NAALADL2: variants seen among roughly 807,000 people sequenced by gnomAD.
NAALADL2 encodes N-acetylated alpha-linked acidic dipeptidase like 2.
In NAALADL2, 76 loss-of-function variants were observed where a neutral mutation model predicts 87.2. The observed-to-expected ratio is 0.87, with a 90% confidence interval of 0.72 to 1.05. NAALADL2 has a LOEUF of 1.05. Among genes scored for constraint, NAALADL2 ranks in the 50% least tolerant of loss-of-function variants. NAALADL2 has a pLI of 0.00. For missense variants in NAALADL2, 1,089 were observed against 945.8 expected (o/e 1.15, Z -1.99); for synonymous variants, 354 against 331.0 (o/e 1.07, Z -0.75).
rs1156977272 is a variant in NAALADL2 at position 175,807,789 on chromosome 3, A to G, written c.*4586A>G. On this transcript the variant is annotated 3_prime_UTR_variant, in exon 14 of 14. Transcript: ENST00000454872. Reference sequence around the variant, plus strand: ...TTGTATGAGTTTAAATTGCCAACTTAAAAAAGCCTCATTAGAATTTGCTAT... The same window carrying G: ...TTGTATGAGTTTAAATTGCCAACTTGAAAAAGCCTCATTAGAATTTGCTAT... The G allele has an allele frequency of 6.6e-6, 1 of 151,958 alleles. No individual in the cohort carries two copies. Among genetic ancestry groups the G allele is most frequent in the East Asian group, 1.9e-4 (1 of 5,194 alleles). 9.4% of individuals were successfully genotyped at this position (151,958 alleles called of 1,614,324 possible). A position where few individuals can be genotyped will look rare whatever the true frequency, so the allele number is the denominator to read the frequency against.
chr3:174,740,057 G>T (rs1214936567), intron 3 of NAALADL2, among the ~76,000 whole-genome samples: 2 of 151,982 alleles, frequency 1.3e-5, no homozygotes, highest in Non-Finnish European at 2.9e-5. Flanking sequence ...TTCAAAAAGT[G>T]CCAGTGTGAT....
intron 2 of NAALADL2, among the ~76,000 whole-genome samples, chr3:174,656,682 A>G (rs1007526692): frequency 4.6e-5 from 7 of 152,210 alleles, no homozygotes; most frequent in African/African-American, 1.7e-4. Context: ...ATTATTATTT[A>G]AAACTACATT....
intron 3 of NAALADL2, among the ~76,000 whole-genome samples, chr3:174,780,964 G>T (rs796384340): frequency 7.2e-5 from 11 of 152,122 alleles, no homozygotes; most frequent in African/African-American, 2.7e-4. Flanking sequence ...GCTCATGTAA[G>T]GCAGGTGACA....
chr3:174,597,635 A>G lies in NAALADL2; in HGVS notation c.-115+46998A>G, dbSNP rs374491799. Among the ~76,000 whole-genome samples the G allele has an allele frequency of 1.1e-4, 16 of 152,324 alleles. No individual in the cohort carries two copies. The East Asian group carries it at 1.7e-3, about 17-fold the overall frequency. ...AGCTGAATGAGGTATTTAAAATGCA[A>G]ATCTGGTCTTACCCATCCTTGGCTT... On this transcript the variant is annotated intron_variant, in intron 2 of 3. Transcript: ENST00000434257.
At chr3:175,049,367 C>T (rs994195300) in intron 1 of NAALADL2, among the ~76,000 whole-genome samples, 41 of 151,938 alleles carry the variant, frequency 2.7e-4, no homozygotes, top group African/African-American at 8.5e-4. Context: ...ACATTTGACC[C>T]GACTGTAGGT....
chr3:174,913,806 G>A (rs530225725), intron 1 of NAALADL2, among the ~76,000 whole-genome samples: 2 of 151,984 alleles, frequency 1.3e-5, no homozygotes, highest in East Asian at 1.9e-4. Flanking sequence ...ATCATTTTGT[G>A]TATTGAAAAT....
intron 6 of NAALADL2, among the ~76,000 whole-genome samples, chr3:175,448,686 T>A (rs1262585467): frequency 1.3e-5 from 2 of 152,018 alleles, no homozygotes. Flanking sequence ...CAATTCTTTT[T>A]TAAAATTTTT....
At chr3:174,686,864 C>T (rs758335262) in intron 2 of NAALADL2, among the ~76,000 whole-genome samples, 7 of 151,994 alleles carry the variant, frequency 4.6e-5, no homozygotes, top group South Asian at 2.1e-4. Flanking sequence ...ACAACCTAAG[C>T]GGTACCACTT....
chr3:175,589,944 G>C (rs1721142325), intron 10 of NAALADL2, among the ~76,000 whole-genome samples: 1 of 152,112 alleles, frequency 6.6e-6, no homozygotes, highest in Non-Finnish European at 1.5e-5. Flanking sequence ...CGGGTGTGGT[G>C]GTTCACGCCT....
At chr3:175,511,833 C>A (rs1731199151) in intron 9 of NAALADL2, among the ~76,000 whole-genome samples, 1 of 152,188 alleles carries the variant, frequency 6.6e-6, no homozygotes, top group Non-Finnish European at 1.5e-5. Flanking sequence ...GTGTGAGGAA[C>A]TACTATGCAA....
At chr3:175,561,966 G>A (rs1716341158) in intron 9 of NAALADL2, among the ~76,000 whole-genome samples, 1 of 152,158 alleles carries the variant, frequency 6.6e-6, no homozygotes, top group African/African-American at 2.4e-5. Context: ...TGGCAGTGGT[G>A]GGAGGACATA....
chr3:175,067,725 G>A (rs147630332), intron 1 of NAALADL2, among the ~76,000 whole-genome samples: 104 of 152,084 alleles, frequency 6.8e-4, no homozygotes, highest in African/African-American at 2.4e-3. Flanking sequence ...GTTTGACCCA[G>A]CAATCCCTAC....
intron 2 of NAALADL2, among the ~76,000 whole-genome samples, chr3:175,168,155 G>A (rs1300286325): frequency 7.3e-6 from 1 of 137,608 alleles, no homozygotes; most frequent in African/African-American, 2.6e-5. Context: ...AGATATGTAA[G>A]TTACATTAAA....
chr3:174,527,519 CAAA>C (rs1339853258), intron 1 of NAALADL2, among the ~76,000 whole-genome samples: 3 of 91,180 alleles, frequency 3.3e-5, no homozygotes, highest in African/African-American at 4.2e-5. Context: ...AACTCCATCT[CAAA>C]AAAAAAAAAA....
At chr3:175,331,059 A>C (rs1022243622) in intron 5 of NAALADL2, among the ~76,000 whole-genome samples, 1 of 152,206 alleles carries the variant, frequency 6.6e-6, no homozygotes, top group Non-Finnish European at 1.5e-5. Context: ...AAAATGGATA[A>C]ATTTTGGTCA....
At chr3:175,136,237 A>G (rs1350496005) in intron 2 of NAALADL2, among the ~76,000 whole-genome samples, 1 of 152,166 alleles carries the variant, frequency 6.6e-6, no homozygotes, top group African/African-American at 2.4e-5. Flanking sequence ...ACTAAAGCTG[A>G]GACAGGACAT....
intron 1 of NAALADL2, among the ~76,000 whole-genome samples, chr3:174,930,967 T>A (rs1391339241): frequency 3.3e-5 from 5 of 151,862 alleles, no homozygotes; most frequent in Admixed American, 1.3e-4. Context: ...CATATTATGA[T>A]TGAACTAAGT....
chr3:175,274,497 G>A (rs1310229167), intron 4 of NAALADL2, among the ~76,000 whole-genome samples: 1 of 152,128 alleles, frequency 6.6e-6, no homozygotes, highest in Non-Finnish European at 1.5e-5. Flanking sequence ...AAACATTAGT[G>A]AGCTATGTGC....
In NAALADL2 at chr3:175,583,098, A is replaced by G. The variant is rs1178721357; in HGVS notation, c.1800+6911A>G. 2.0e-5 allele frequency among the ~76,000 whole-genome samples: 3 copies of G among 152,188 alleles called. No homozygotes were observed. In the East Asian group the frequency reaches 5.8e-4, roughly 29 times the overall value. On this transcript the variant is annotated intron_variant, in intron 10 of 13. Transcript: ENST00000454872. ...CCTAACCTACCAAACATGTTACCTTAGCCTAGCCTATACTCAGAACTCTTT... is the reference window on the plus strand; with the variant it reads ...CCTAACCTACCAAACATGTTACCTTGGCCTAGCCTATACTCAGAACTCTTT...
Sources: allele counts gnomAD v4.1 joint callset (sites outside exome capture counted in the v4.1 genomes callset), GRCh38; gene constraint gnomAD v4.1.1; transcripts MANE v1.5; gene names NCBI Gene and HGNC (gene_info 2026-07-23, HGNC 2026-07-21).